BAIAP2L1: variants seen among roughly 807,000 people sequenced by gnomAD.
BAIAP2L1 encodes BAR/IMD domain-containing adapter protein 2-like 1.
In BAIAP2L1, 35 loss-of-function variants were observed where a neutral mutation model predicts 66.3. The ratio of observed to expected loss-of-function variants is 0.53; its 90% CI spans 0.40 to 0.70. The LOEUF (loss-of-function observed/expected upper bound fraction) is 0.70. Ranked by LOEUF, BAIAP2L1 falls within the 30% of genes least tolerant of loss-of-function variation. The probability of loss-of-function intolerance (pLI) is 0.00; values close to 1 mark genes in which losing one functional copy is unlikely to be tolerated. For synonymous variants in BAIAP2L1, 269 were observed against 248.7 expected, an observed-to-expected ratio of 1.08 and a Z score of -0.77; for missense variants, 622 against 656.9, an observed-to-expected ratio of 0.95 and a Z score of 0.58.
chr7:98,356,490 GATTTT>G (rs748478537), intron 2 of BAIAP2L1, among the ~76,000 whole-genome samples: 2 of 151,762 alleles, frequency 1.3e-5, no homozygotes, highest in African/African-American at 4.8e-5. Context: ...TAACAAGGTG[GATTTT>G]ATTTTATTTT....
chr7:98,390,964 G>C (rs1803023715), intron 1 of BAIAP2L1, among the ~76,000 whole-genome samples: 1 of 151,382 alleles, frequency 6.6e-6, no homozygotes, highest in African/African-American at 2.4e-5. Context: ...CTCTGGAGTA[G>C]CTGGGACTAC....
At chr7:98,320,480 G>A (rs1275364231) in intron 3 of BAIAP2L1, among the ~76,000 whole-genome samples, 182 bp from the exon 4 acceptor site, 5 of 152,152 alleles carry the variant, frequency 3.3e-5, no homozygotes, top group Non-Finnish European at 7.3e-5. Flanking sequence ...GATTACAGGT[G>A]TGCATCACCA....
intron 11 of BAIAP2L1, among the ~76,000 whole-genome samples, chr7:98,305,047 G>GTT (rs59633894): frequency 0.18 from 17,397 of 99,404 alleles, 2,172 homozygotes; most frequent in East Asian, 0.36. Flanking sequence ...TTTGTTTTTT[G>GTT]TTTTTTTTTT....
chr7:98,389,918 A>ATTTTTTTTTTTTTTTTTTTTTTTTTTTTT (rs750099451), intron 1 of BAIAP2L1, among the ~76,000 whole-genome samples: 1 of 129,764 alleles, frequency 7.7e-6, no homozygotes, highest in Non-Finnish European at 1.7e-5. Flanking sequence ...GGGTTAGTAA[A>ATTTTTTTTTTTTTTTTTTTTTTTTTTTTT]TTTTTTTTTT....
In BAIAP2L1 at chr7:98,325,052, T is replaced by C. The variant is rs79752423; in HGVS notation, c.215-4754A>G. Among the ~76,000 whole-genome samples the C allele has an allele frequency of 5.9e-5, 9 of 152,340 alleles. No individual in the cohort carries two copies. The East Asian group carries it at 1.5e-3, about 26-fold the overall frequency. ...GGAAGCAGCCAATCTAGTACTGTTC[T>C]AAAGCTATGCTGCAGAGATTAAAGT... On this transcript the variant is annotated intron_variant, in intron 3 of 13. Transcript: ENST00000005260.
chr7:98,393,056 T>C (rs1169639845), intron 1 of BAIAP2L1, among the ~76,000 whole-genome samples: 1 of 128,018 alleles, frequency 7.8e-6, no homozygotes, highest in African/African-American at 3.1e-5. Context: ...CGTGTACATA[T>C]ATGTACACAT....
At chr7:98,350,935 C>A (rs1239000339) in intron 3 of BAIAP2L1, among the ~76,000 whole-genome samples, 1 of 152,096 alleles carries the variant, frequency 6.6e-6, no homozygotes. Flanking sequence ...TGGCTCACTG[C>A]AAACTCTGCC....
At position 98,310,491 on chromosome 7, in the gene BAIAP2L1, G is replaced by C; in HGVS notation, c.909C>G (p.Asn303Lys). 1 of 1,607,338 alleles carries C rather than the reference G, an allele frequency of 6.2e-7. No individual in the cohort carries two copies. Among genetic ancestry groups the C allele is most frequent in the Non-Finnish European group, 8.5e-7 (1 of 1,178,114 alleles). ...YTSPLIDMFNNPATAAPNSQR... is the reference protein window; with the variant it reads ...YTSPLIDMFNKPATAAPNSQR... ...GTGAATTCGGGGCAGCCGTGGCTGG[G>C]TTATTAAACATATCGATCAAGGGAC... The change falls in exon 9 of 14, where the codon AAC becomes AAG. Residue 303 changes from asparagine (N) to lysine (K), a missense_variant. Physicochemically the swap from Asn to Lys is moderately conservative, Grantham distance 94. Coordinates refer to ENST00000005260, the MANE Select transcript of BAIAP2L1 (RefSeq NM_018842.5).
chr7:98,379,357 GC>G (rs1291783983), intron 1 of BAIAP2L1, among the ~76,000 whole-genome samples: 2 of 152,130 alleles, frequency 1.3e-5, no homozygotes, highest in African/African-American at 4.8e-5. Flanking sequence ...AGCTCCACCA[GC>G]TCATCTGAAC....
chr7:98,356,074 T>C (rs1228178747), intron 2 of BAIAP2L1, among the ~76,000 whole-genome samples: 1 of 152,206 alleles, frequency 6.6e-6, no homozygotes, highest in Admixed American at 6.5e-5. Flanking sequence ...GTTCTAATTA[T>C]CTTAAAAATA....
At chr7:98,386,061 C>T in intron 1 of BAIAP2L1, 2 of 1,492,654 alleles carry the variant, frequency 1.3e-6, no homozygotes, top group Middle Eastern at 1.7e-4. Context: ...CATTTGTCTG[C>T]ACCTCTCGGG....
intron 5 of BAIAP2L1, among the ~76,000 whole-genome samples, chr7:98,317,762 C>A (rs567231357): frequency 6.8e-6 from 1 of 147,912 alleles, no homozygotes; most frequent in South Asian, 2.2e-4. Flanking sequence ...CCACACAGTT[C>A]ACATCATCCT....
intron 3 of BAIAP2L1, among the ~76,000 whole-genome samples, chr7:98,340,493 T>TA (rs1396302475): frequency 6.6e-6 from 1 of 151,928 alleles, no homozygotes; most frequent in East Asian, 1.9e-4. Context: ...TTCACTGTGT[T>TA]AGCCAGGATG....
At chr7:98,317,813 C>T (rs1053922560) in intron 5 of BAIAP2L1, among the ~76,000 whole-genome samples, 7 of 150,838 alleles carry the variant, frequency 4.6e-5, no homozygotes, top group Admixed American at 6.6e-5. Flanking sequence ...ACCATCTTTA[C>T]GCTGGCTGGG....
At chr7:98,343,454 A>T (rs908020267) in intron 3 of BAIAP2L1, among the ~76,000 whole-genome samples, 1 of 152,040 alleles carries the variant, frequency 6.6e-6, no homozygotes. Flanking sequence ...CTGTCTCAAA[A>T]TAAATAAATA....
At chr7:98,338,747 T>C (rs1801668962) in intron 3 of BAIAP2L1, among the ~76,000 whole-genome samples, 1 of 152,176 alleles carries the variant, frequency 6.6e-6, no homozygotes, top group Non-Finnish European at 1.5e-5. Flanking sequence ...TTTTGGCTAT[T>C]GTGAGTTGTG....
intron 1 of BAIAP2L1, among the ~76,000 whole-genome samples, chr7:98,395,578 G>T (rs544682211): frequency 3.0e-4 from 46 of 152,236 alleles, no homozygotes; most frequent in African/African-American, 1.1e-3. Flanking sequence ...TTCAGTTTGT[G>T]ACAATTTAGT....
intron 3 of BAIAP2L1, among the ~76,000 whole-genome samples, chr7:98,326,020 A>G (rs1262413732): frequency 1.3e-5 from 2 of 152,252 alleles, no homozygotes; most frequent in East Asian, 3.9e-4. Context: ...GCAATGGCTC[A>G]CGTCCGTAAT....
intron 12 of BAIAP2L1, among the ~76,000 whole-genome samples, chr7:98,298,945 G>A (rs1800302449): frequency 6.6e-6 from 1 of 151,998 alleles, no homozygotes; most frequent in Non-Finnish European, 1.5e-5. Flanking sequence ...GGGCTCAATC[G>A]ATCCTCTCAC....
Sources: allele counts gnomAD v4.1 joint callset (sites outside exome capture counted in the v4.1 genomes callset), GRCh38; gene constraint gnomAD v4.1.1; transcripts MANE v1.5; gene names NCBI Gene and HGNC (gene_info 2026-07-23, HGNC 2026-07-21).